Variants in ERC2 observed in about 807,000 individuals in gnomAD.
The protein encoded by ERC2 is ELKS/RAB6-interacting/CAST family member 2, also known as ERC protein 2.
ERC2 carries 42 observed loss-of-function variants against 114.8 expected under a neutral mutation model. The ratio of observed to expected loss-of-function variants is 0.37; its 90% CI spans 0.29 to 0.47. The LOEUF is 0.47. Ranked by LOEUF, ERC2 falls within the 20% of genes least tolerant of loss-of-function variation. The probability of loss-of-function intolerance (pLI) is 0.99; values close to 1 mark genes in which losing one functional copy is unlikely to be tolerated. For synonymous variants in ERC2, 454 were observed against 425.5 expected (o/e 1.07, Z -0.82); for missense variants, 939 against 1,150.7 (o/e 0.82, Z 2.66).
chr3:56,254,740 G>T (rs951131676), intron 3 of ERC2, among the ~76,000 whole-genome samples: 2 of 152,156 alleles, frequency 1.3e-5, no homozygotes, highest in African/African-American at 4.8e-5. Context: ...TAATTTTCCT[G>T]AGCCTCAGTT....
At chr3:55,991,460 T>C (rs2071053157) in intron 11 of ERC2, among the ~76,000 whole-genome samples, 1 of 152,214 alleles carries the variant, frequency 6.6e-6, no homozygotes, top group Admixed American at 6.5e-5. Context: ...AAAATCTAAA[T>C]ACTCTGATGC....
chr3:55,582,107 A>G (rs1037795857), intron 17 of ERC2, among the ~76,000 whole-genome samples: 4 of 152,138 alleles, frequency 2.6e-5, no homozygotes, highest in African/African-American at 9.7e-5. Flanking sequence ...CACATTGCTC[A>G]GGTCTCAGCT....
chr3:55,706,270 C>T (rs1395297751), intron 15 of ERC2, among the ~76,000 whole-genome samples: 1 of 152,204 alleles, frequency 6.6e-6, no homozygotes, highest in Non-Finnish European at 1.5e-5. Flanking sequence ...GGCCTTTTCC[C>T]TTCCCTGTAT....
At chr3:56,368,558 C>T (rs965249221) in intron 2 of ERC2, among the ~76,000 whole-genome samples, 6 of 152,156 alleles carry the variant, frequency 3.9e-5, no homozygotes, top group Admixed American at 2.6e-4. Flanking sequence ...AAAAGTACTA[C>T]CATTAGTCCT....
chr3:55,574,946 C>T (rs1157582373), intron 17 of ERC2, among the ~76,000 whole-genome samples: 1 of 152,218 alleles, frequency 6.6e-6, no homozygotes, highest in Non-Finnish European at 1.5e-5. Flanking sequence ...AAACCACACA[C>T]TGGAGGAGTG....
chr3:55,909,770 G>T (rs1323580076), intron 13 of ERC2, among the ~76,000 whole-genome samples: 1 of 152,092 alleles, frequency 6.6e-6, no homozygotes, highest in African/African-American at 2.4e-5. Context: ...CCCTCATAAA[G>T]TCTGAGATTT....
intron 2 of ERC2, among the ~76,000 whole-genome samples, chr3:56,418,114 C>G (rs2061239819): frequency 6.6e-6 from 1 of 151,932 alleles, no homozygotes; most frequent in South Asian, 2.1e-4. Flanking sequence ...TAGCGAGACC[C>G]TGTCTCTACA....
At chr3:55,730,826 G>C (rs886660722) in intron 15 of ERC2, among the ~76,000 whole-genome samples, 12 of 152,206 alleles carry the variant, frequency 7.9e-5, no homozygotes, top group African/African-American at 2.9e-4. Flanking sequence ...ACTCTAGCCT[G>C]GGTGACAGTG....
intron 1 of ERC2, among the ~76,000 whole-genome samples, chr3:56,460,964 C>CAAAAAAAAA (rs35313545): frequency 1.8e-4 from 18 of 98,128 alleles, no homozygotes; most frequent in Admixed American, 2.7e-4. Context: ...ACTAAAAATA[C>CAAAAAAAAA]AAAAAAAAAA....
chr3:56,145,144 C>G lies in ERC2; in HGVS notation c.1305+3833G>C, dbSNP rs558974164. Among the ~76,000 whole-genome samples the G allele has an allele frequency of 2.0e-5, 3 of 152,306 alleles. No homozygotes were observed. The South Asian group carries it at 6.2e-4, about 32-fold the overall frequency. ...GCCAAGGAAAACAGCTTCTTTTTCA[C>G]TGCAGATATGGCCCTTATGTCTAGA... On this transcript the variant is annotated intron_variant, in intron 5 of 17. Coordinates refer to ENST00000288221, the MANE Select transcript of ERC2 (RefSeq NM_015576.3).
intron 2 of ERC2, among the ~76,000 whole-genome samples, chr3:56,353,034 A>G (rs1414658504): frequency 6.6e-6 from 1 of 152,194 alleles, no homozygotes; most frequent in African/African-American, 2.4e-5. Flanking sequence ...AGCCTGCCTC[A>G]GGGCAGAGGA....
chr3:55,935,001 T>G (rs987666459), intron 13 of ERC2, among the ~76,000 whole-genome samples: 2 of 152,218 alleles, frequency 1.3e-5, no homozygotes, highest in Non-Finnish European at 2.9e-5. Flanking sequence ...AGCAGTGACC[T>G]TGGAGGCTGT....
intron 15 of ERC2, among the ~76,000 whole-genome samples, chr3:55,714,849 TAAA>T (rs11355461): frequency 2.1e-5 from 3 of 145,296 alleles, no homozygotes; most frequent in African/African-American, 7.6e-5. Context: ...AATAAAACAA[TAAA>T]AAAAAAAAGG....
At chr3:56,081,502 A>T (rs1414897072) in intron 6 of ERC2, among the ~76,000 whole-genome samples, 4 of 152,054 alleles carry the variant, frequency 2.6e-5, no homozygotes, top group Non-Finnish European at 5.9e-5. Context: ...GGAAGAAAAT[A>T]AGATAGAAAT....
chr3:56,047,984 C>T, intron 7 of ERC2, among the ~76,000 whole-genome samples: 1 of 152,108 alleles, frequency 6.6e-6, no homozygotes, highest in Middle Eastern at 3.2e-3. Context: ...ACACAATAAC[C>T]CTGCAATTCA....
At chr3:55,994,910 C>G (rs998220963) in intron 10 of ERC2, among the ~76,000 whole-genome samples, 1 of 152,152 alleles carries the variant, frequency 6.6e-6, no homozygotes, top group Admixed American at 6.6e-5. Context: ...TAGACTGTAC[C>G]ACTGTTGACA....
intron 2 of ERC2, among the ~76,000 whole-genome samples, chr3:56,405,595 C>T (rs561065257): frequency 1.3e-5 from 2 of 152,078 alleles, no homozygotes; most frequent in African/African-American, 2.4e-5. Flanking sequence ...CACATAGATA[C>T]ATAGCATAGA....
intron 14 of ERC2, among the ~76,000 whole-genome samples, chr3:55,756,862 G>T (rs1409905436): frequency 2.0e-5 from 3 of 151,926 alleles, no homozygotes; most frequent in Non-Finnish European, 4.4e-5. Context: ...CCCTCAAAGA[G>T]GGAGAAAGGA....
intron 2 of ERC2, among the ~76,000 whole-genome samples, chr3:56,408,912 G>A (rs945278403): frequency 2.6e-5 from 4 of 152,372 alleles, no homozygotes; most frequent in East Asian, 1.9e-4. Flanking sequence ...GAACGCACGA[G>A]GCTGGCGTGG....
Sources: allele counts gnomAD v4.1 joint callset (sites outside exome capture counted in the v4.1 genomes callset), GRCh38; gene constraint gnomAD v4.1.1; transcripts MANE v1.5; gene names NCBI Gene and HGNC (gene_info 2026-07-23, HGNC 2026-07-21).